Variants in MYCBP2 observed in about 807,000 individuals in gnomAD.
MYCBP2 encodes the protein E3 ubiquitin-protein ligase MYCBP2.
MYCBP2 carries 120 observed loss-of-function variants against 525.3 expected under a neutral mutation model. The ratio of observed to expected loss-of-function variants is 0.23; its 90% CI spans 0.20 to 0.27. MYCBP2 has a LOEUF of 0.27. MYCBP2 is among the 10% of genes least tolerant of loss of function. MYCBP2 has a pLI of 1.00. For missense variants in MYCBP2, 4,149 were observed against 5,657.1 expected, an observed-to-expected ratio of 0.73 and a Z score of 8.55; for synonymous variants, 1,894 against 1,955.8, an observed-to-expected ratio of 0.97 and a Z score of 0.83.
intron 62 of MYCBP2, among the ~76,000 whole-genome samples, chr13:77,084,183 GA>G (rs1418789340): frequency 1.3e-5 from 2 of 152,068 alleles, no homozygotes; most frequent in East Asian, 3.9e-4. Context: ...ATATGATAAG[GA>G]GAACTTCATA....
chr13:77,203,401 C>A (rs1003539539), intron 26 of MYCBP2, among the ~76,000 whole-genome samples: 4 of 152,088 alleles, frequency 2.6e-5, no homozygotes, highest in African/African-American at 9.7e-5. Flanking sequence ...AAAGAGGATA[C>A]AAACAAATGG....
intron 68 of MYCBP2, among the ~76,000 whole-genome samples, chr13:77,072,300 GAAAAAAAAAA>G (rs56238720): frequency 8.3e-6 from 1 of 121,192 alleles, no homozygotes; most frequent in African/African-American, 3.1e-5. Context: ...CAAAAAAAAA[GAAAAAAAAAA>G]AAAAAAAGAA....
chr13:77,161,647 C>G (rs1034814201), intron 44 of MYCBP2, among the ~76,000 whole-genome samples: 2 of 152,186 alleles, frequency 1.3e-5, no homozygotes, highest in African/African-American at 2.4e-5. Flanking sequence ...TCCTCCGCAC[C>G]CTTGGCACTT....
intron 72 of MYCBP2, among the ~76,000 whole-genome samples, chr13:77,065,664 C>G (rs574120941): frequency 1.3e-5 from 2 of 152,174 alleles, no homozygotes; most frequent in African/African-American, 4.8e-5. Context: ...CTTCCACTTT[C>G]GAGAGCTCTC....
intron 36 of MYCBP2, among the ~76,000 whole-genome samples, chr13:77,175,988 TAAAG>T (rs1396954759): frequency 2.1e-5 from 3 of 142,938 alleles, no homozygotes; most frequent in African/African-American, 2.6e-5. Context: ...TAAAAAAAAA[TAAAG>T]AAACAAAACA....
At position 77,205,280 on chromosome 13, in the gene MYCBP2, T is replaced by C; in HGVS notation, c.3819A>G (p.Arg1273=). 1 of 1,612,066 alleles carries C rather than the reference T, an allele frequency of 6.2e-7. No homozygotes were observed. The highest frequency in any genetic ancestry group is 8.5e-7 in the Non-Finnish European group (1 of 1,178,848). Residue 1273 remains arginine (R), a synonymous_variant, in exon 26 of 83, where the codon AGA becomes AGG. Transcript: ENST00000544440. ...CCTTAATTTTAGCAGTATATTCTCC[T>C]CTACCTCCAAACAGACCAAGACCAC... The part of the protein sequence containing the change: ...LLGGLGLFGG[R]GEYTAKIKLF...
intron 49 of MYCBP2, among the ~76,000 whole-genome samples, chr13:77,141,368 A>G (rs1177441740): frequency 6.6e-6 from 1 of 152,182 alleles, no homozygotes; most frequent in African/African-American, 2.4e-5. Context: ...GGTTACTCCA[A>G]TATCTCGCAC....
chr13:77,203,804 C>T (rs1254557798), intron 26 of MYCBP2, among the ~76,000 whole-genome samples: 1 of 151,794 alleles, frequency 6.6e-6, no homozygotes, highest in Non-Finnish European at 1.5e-5. Flanking sequence ...GAAAGGATTC[C>T]CTATTTAATA....
At chr13:77,208,888 T>C (rs2063663556) in intron 23 of MYCBP2, among the ~76,000 whole-genome samples, 1 of 152,240 alleles carries the variant, frequency 6.6e-6, no homozygotes, top group Non-Finnish European at 1.5e-5. Flanking sequence ...TTATAGATGT[T>C]GTTTCTAATT....
intron 1 of MYCBP2, among the ~76,000 whole-genome samples, chr13:77,310,597 A>G (rs1299617611): frequency 1.3e-5 from 2 of 152,188 alleles, no homozygotes; most frequent in Non-Finnish European, 2.9e-5. Context: ...TATGATATCA[A>G]ACAGTATCAT....
chr13:77,195,414 T>C (rs2061662387), intron 26 of MYCBP2, among the ~76,000 whole-genome samples: 1 of 152,094 alleles, frequency 6.6e-6, no homozygotes, highest in Non-Finnish European at 1.5e-5. Flanking sequence ...CTGGTCAACA[T>C]GGTGAAACCC....
intron 52 of MYCBP2, chr13:77,129,654 T>A (rs1294638661): frequency 6.6e-6 from 1 of 152,404 alleles, no homozygotes; most frequent in East Asian, 1.9e-4. Flanking sequence ...GCAATTATCA[T>A]TATGAATAAT....
chr13:77,193,635 C>T (rs1024077767), intron 27 of MYCBP2, among the ~76,000 whole-genome samples: 1 of 152,054 alleles, frequency 6.6e-6, no homozygotes, highest in African/African-American at 2.4e-5. Context: ...CTTAATGAAC[C>T]TTCATAAATA....
intron 19 of MYCBP2, 34 bp from the exon 20 acceptor site, chr13:77,224,566 T>A: frequency 7.7e-7 from 1 of 1,301,586 alleles, no homozygotes; most frequent in Non-Finnish European, 1.1e-6. Flanking sequence ...ATTTTTTCAT[T>A]ATATGCATTT....
rs1345410631 is a variant in MYCBP2, at chr13:77,233,139, T to C, written c.2737+17A>G. On this transcript the variant is annotated intron_variant, in intron 18 of 82. Transcript: ENST00000544440. ...TTGGGAAAGTATCCCACCTAGGTGATAAGGAAGACCAAATACCTTTGTGCT... is the reference window on the plus strand; with the variant it reads ...TTGGGAAAGTATCCCACCTAGGTGACAAGGAAGACCAAATACCTTTGTGCT... The C allele has an allele frequency of 1.2e-6, 2 of 1,605,362 alleles. No individual in the cohort carries two copies. The highest frequency in any genetic ancestry group is 2.2e-5 in the East Asian group (1 of 44,782).
chr13:77,053,579 T>A (rs767637208), intron 80 of MYCBP2, among the ~76,000 whole-genome samples: 43 of 152,238 alleles, frequency 2.8e-4, no homozygotes, highest in Admixed American at 2.6e-4. Flanking sequence ...CTTTTCTATA[T>A]CCTCTGCTTG....
chr13:77,075,873 A>G (rs1022855961), intron 68 of MYCBP2: 5 of 152,212 alleles, frequency 3.3e-5, no homozygotes, highest in African/African-American at 1.2e-4. Context: ...AGCATTTAAG[A>G]AATCTTATTT....
At position 77,243,789 on chromosome 13, in the gene MYCBP2, TAATC is replaced by T. The variant is rs1567029752; in HGVS notation, c.2527+13_2527+16del. 1.9e-6 allele frequency: 3 copies of T among 1,611,820 alleles called. No homozygotes were observed. The highest frequency in any genetic ancestry group is 1.3e-5 in the African/African-American group (1 of 74,922). On this transcript the variant is annotated intron_variant, in intron 16 of 82. Transcript: ENST00000544440. Reference sequence around the variant, plus strand: ...GAGGACAACTCAGTGTAGCATAGTATAATCAATCAAAATTACCTAAAAGAAGATC... The same window carrying T: ...GAGGACAACTCAGTGTAGCATAGTATAATCAAAATTACCTAAAAGAAGATC...
intron 52 of MYCBP2, among the ~76,000 whole-genome samples, chr13:77,131,482 T>A (rs2052784862): frequency 7.1e-6 from 1 of 141,484 alleles, no homozygotes; most frequent in African/African-American, 2.6e-5. Flanking sequence ...CAAGACTTCA[T>A]CTCAAACACA....
Sources: gnomAD v4.1 joint callset for allele counts (sites outside exome capture counted in the v4.1 genomes callset) on GRCh38, gnomAD v4.1.1 for gene constraint, MANE v1.5 for transcripts, NCBI Gene and HGNC (gene_info 2026-07-23, HGNC 2026-07-21) for gene names.